Variants in KSR2 observed in about 807,000 individuals in gnomAD.
KSR2 encodes kinase suppressor of ras 2.
A neutral mutation model predicts 107.8 loss-of-function variants in KSR2; 25 were observed. The ratio of observed to expected loss-of-function variants is 0.23; its 90% CI spans 0.17 to 0.32. The LOEUF is 0.32. Among genes scored for constraint, KSR2 ranks in the 10% least tolerant of loss-of-function variants. The probability of loss-of-function intolerance (pLI) is 1.00; values close to 1 mark genes in which losing one functional copy is unlikely to be tolerated. For synonymous variants in KSR2, 480 were observed against 507.0 expected (o/e 0.95, Z 0.71); for missense variants, 887 against 1,268.9 (o/e 0.70, Z 4.57).
chr12:117,722,143 G>A (rs567240352), intron 4 of KSR2, among the ~76,000 whole-genome samples: 2 of 152,024 alleles, frequency 1.3e-5, no homozygotes, highest in African/African-American at 2.4e-5. Context: ...TAAGTAGCTG[G>A]GACTACAGTT....
chr12:117,843,054 C>T (rs1892555010), intron 3 of KSR2, among the ~76,000 whole-genome samples: 1 of 152,062 alleles, frequency 6.6e-6, no homozygotes, highest in Admixed American at 6.5e-5. Context: ...CAGTCCAGTA[C>T]ATATTCAGTG....
At chr12:117,745,963 T>C (rs776002891) in intron 4 of KSR2, among the ~76,000 whole-genome samples, 24 of 152,212 alleles carry the variant, frequency 1.6e-4, no homozygotes, top group Admixed American at 5.9e-4. Context: ...CATTCCATGT[T>C]CATGGACAGG....
intron 14 of KSR2, among the ~76,000 whole-genome samples, chr12:117,508,182 T>C (rs1451635649): frequency 2.0e-5 from 3 of 152,370 alleles, no homozygotes; most frequent in Non-Finnish European, 2.9e-5. Flanking sequence ...TGCAGTTCAC[T>C]AAAATTCCCA....
intron 4 of KSR2, among the ~76,000 whole-genome samples, chr12:117,731,654 A>G (rs1361633664): frequency 3.3e-5 from 5 of 152,138 alleles, no homozygotes; most frequent in East Asian, 1.9e-4. Flanking sequence ...GTGTGGAAAG[A>G]GGTAGACATG....
At chr12:117,612,539 C>T (rs1338984741) in intron 5 of KSR2, among the ~76,000 whole-genome samples, 1 of 152,078 alleles carries the variant, frequency 6.6e-6, no homozygotes, top group African/African-American at 2.4e-5. Flanking sequence ...AAAGGTCAGC[C>T]AGAACAATAT....
At position 117,548,182 on chromosome 12, in the gene KSR2, G is replaced by A. The variant is rs573623278; in HGVS notation, c.1518+6987C>T. 2.0e-5 allele frequency among the ~76,000 whole-genome samples: 3 copies of A among 152,112 alleles called. No homozygotes were observed. The South Asian group carries it at 6.2e-4, about 32-fold the overall frequency. On this transcript the variant is annotated intron_variant, in intron 9 of 19. Coordinates refer to ENST00000339824, the MANE Select transcript of KSR2 (RefSeq NM_173598.6). ...CCTCCTTCTTGCCCTCTTTCAGAGT[G>A]GTCTTATGTTTATTTTATATACAAT...
At chr12:117,855,714 G>A (rs1336618005) in intron 2 of KSR2, 136 bp from the exon 3 acceptor site, 26 of 845,266 alleles carry the variant, frequency 3.1e-5, no homozygotes, top group East Asian at 5.4e-5. Context: ...TCCGAATCTC[G>A]GGTTTGCCAC....
chr12:117,797,638 T>TATTATATTATATTATAC (rs1890681119), intron 3 of KSR2, among the ~76,000 whole-genome samples: 1 of 132,484 alleles, frequency 7.5e-6, no homozygotes, highest in Non-Finnish European at 1.5e-5. Flanking sequence ...TTATATTATA[T>TATTATATTATATTATAC]AAATTTCACC....
chr12:117,859,307 G>C (rs895104321), intron 2 of KSR2, among the ~76,000 whole-genome samples: 1 of 151,710 alleles, frequency 6.6e-6, no homozygotes, highest in Admixed American at 6.6e-5. Flanking sequence ...CACCATGCCC[G>C]GCTAATTTTT....
At chr12:117,535,920 C>G (rs1240818390) in intron 10 of KSR2, among the ~76,000 whole-genome samples, 1 of 152,104 alleles carries the variant, frequency 6.6e-6, no homozygotes, top group Non-Finnish European at 1.5e-5. Context: ...AACTCCAGGT[C>G]TGTCTGTCCA....
At chr12:117,908,202 T>C (rs1196387761) in intron 1 of KSR2, among the ~76,000 whole-genome samples, 2 of 151,850 alleles carry the variant, frequency 1.3e-5, no homozygotes, top group Non-Finnish European at 2.9e-5. Context: ...CATTTACATA[T>C]ATTTCTGAAA....
At chr12:117,740,588 C>G (rs1361834420) in intron 4 of KSR2, among the ~76,000 whole-genome samples, 1 of 60,106 alleles carries the variant, frequency 1.7e-5, no homozygotes, top group African/African-American at 5.7e-5. Flanking sequence ...TATATATGTA[C>G]TATATACATA....
rs529828676 is a variant in KSR2 at position 117,728,549 on chromosome 12, A to C, written c.986+32462T>G. The stretch of plus-strand genomic sequence containing the variant: ...CCCAGAAAGCCCCCAGCTGCCCCAC[A>C]CTTCAGGAATAATCTTGAAAACCTA... On this transcript the variant is annotated intron_variant, in intron 4 of 19. Transcript: ENST00000339824. 7.2e-5 allele frequency among the ~76,000 whole-genome samples: 11 copies of C among 152,282 alleles called. No individual in the cohort carries two copies. The East Asian group carries it at 2.1e-3, about 29-fold the overall frequency.
At chr12:117,615,750 G>A (rs1295110198) in intron 5 of KSR2, among the ~76,000 whole-genome samples, 1 of 152,132 alleles carries the variant, frequency 6.6e-6, no homozygotes, top group Non-Finnish European at 1.5e-5. Context: ...TGGATATGAG[G>A]GACACTTATC....
intron 10 of KSR2, among the ~76,000 whole-genome samples, chr12:117,532,979 A>G (rs1161165379): frequency 3.3e-5 from 5 of 152,214 alleles, no homozygotes; most frequent in African/African-American, 4.8e-5. Flanking sequence ...CTGATCCTCT[A>G]GGGTCAAATC....
intron 5 of KSR2, among the ~76,000 whole-genome samples, chr12:117,584,418 G>A (rs1244792087): frequency 1.3e-5 from 2 of 152,152 alleles, no homozygotes; most frequent in Admixed American, 6.5e-5. Flanking sequence ...GGATGGCGCT[G>A]GAGAGGAAGG....
chr12:117,901,064 T>C (rs1323406564), intron 1 of KSR2, among the ~76,000 whole-genome samples: 2 of 152,072 alleles, frequency 1.3e-5, no homozygotes, highest in African/African-American at 4.8e-5. Context: ...GGGGAAGAGA[T>C]TAGCATTGTG....
At chr12:117,669,149 T>C (rs149161176) in intron 4 of KSR2, among the ~76,000 whole-genome samples, 2 of 152,292 alleles carry the variant, frequency 1.3e-5, no homozygotes, top group African/African-American at 4.8e-5. Flanking sequence ...TGGCAACAAT[T>C]GTGCAATAAA....
intron 3 of KSR2, among the ~76,000 whole-genome samples, chr12:117,839,256 C>T (rs1412200013): frequency 6.6e-6 from 1 of 152,200 alleles, no homozygotes; most frequent in Non-Finnish European, 1.5e-5. Flanking sequence ...TTAATTCATT[C>T]AATGATACTT....
Sources: allele counts gnomAD v4.1 joint callset (sites outside exome capture counted in the v4.1 genomes callset), GRCh38; gene constraint gnomAD v4.1.1; transcripts MANE v1.5; gene names NCBI Gene and HGNC (gene_info 2026-07-23, HGNC 2026-07-21).